EPHA7: variants seen among roughly 807,000 people sequenced by gnomAD.
EPHA7 encodes ephrin type-A receptor 7.
A neutral mutation model predicts 112.6 loss-of-function variants in EPHA7; 25 were observed. The observed-to-expected ratio is 0.22, with a 90% confidence interval of 0.16 to 0.31. The LOEUF (loss-of-function observed/expected upper bound fraction) is 0.31, where lower values mean the gene tolerates loss of function less well. Ranked by LOEUF, EPHA7 falls within the 10% of genes least tolerant of loss-of-function variation. EPHA7 has a pLI of 1.00. For synonymous variants in EPHA7, 437 were observed against 406.5 expected, an observed-to-expected ratio of 1.07 and a Z score of -0.90; for missense variants, 962 against 1,212.6, an observed-to-expected ratio of 0.79 and a Z score of 3.07.
intron 3 of EPHA7, among the ~76,000 whole-genome samples, chr6:93,369,136 A>G (rs1776654495): frequency 1.3e-5 from 2 of 151,630 alleles, no homozygotes; most frequent in Non-Finnish European, 2.9e-5. Flanking sequence ...TTTAAAAAAA[A>G]GAGCTGGCAA....
intron 5 of EPHA7, among the ~76,000 whole-genome samples, chr6:93,311,328 G>A (rs1251203267): frequency 6.6e-6 from 1 of 151,746 alleles, no homozygotes; most frequent in Admixed American, 6.6e-5. Context: ...CTCAAACCTT[G>A]CCACTGCTTT....
intron 3 of EPHA7, 139 bp from the exon 4 acceptor site, chr6:93,358,550 A>G (rs1193706772): frequency 1.4e-6 from 1 of 694,230 alleles, no homozygotes; most frequent in Admixed American, 3.5e-5. Flanking sequence ...TATTCATTTT[A>G]GGGTATTTCA....
At chr6:93,289,541 G>A (rs551097930) in intron 5 of EPHA7, among the ~76,000 whole-genome samples, 8 of 151,990 alleles carry the variant, frequency 5.3e-5, no homozygotes, top group Admixed American at 2.6e-4. Context: ...GGAGAATGGC[G>A]TGAACCTGGG....
chr6:93,264,746 A>G, intron 7 of EPHA7, 44 bp from the exon 8 acceptor site: 2 of 1,136,254 alleles, frequency 1.8e-6, no homozygotes, highest in Non-Finnish European at 1.3e-6. Context: ...GACACCATGC[A>G]AGAACTTGAA....
At position 93,341,241 on chromosome 6, in the gene EPHA7, T is replaced by C. The variant is rs59552882; in HGVS notation, c.1324+15476A>G. On this transcript the variant is annotated intron_variant, in intron 5 of 16. Coordinates refer to ENST00000369303, the MANE Select transcript of EPHA7 (RefSeq NM_004440.4). ...TTTTCAGAGAACCCCCAGGGTTTCTTGAAATATTCTCAGAGAAGCAAAATA... is the reference window on the plus strand; with the variant it reads ...TTTTCAGAGAACCCCCAGGGTTTCTCGAAATATTCTCAGAGAAGCAAAATA... Among the ~76,000 whole-genome samples, 1,265 of 152,068 alleles carry C rather than the reference T, an allele frequency of 8.3e-3. 16 individuals carry two copies. Among genetic ancestry groups the C allele is most frequent in the African/African-American group, 0.028 (1,159 of 41,518 alleles).
intron 5 of EPHA7, among the ~76,000 whole-genome samples, chr6:93,344,759 A>G (rs1409743167): frequency 2.0e-5 from 3 of 151,580 alleles, no homozygotes; most frequent in Admixed American, 6.6e-5. Flanking sequence ...ACTTAATGAG[A>G]AAATTTCCCT....
intron 5 of EPHA7, among the ~76,000 whole-genome samples, chr6:93,292,419 A>G (rs1772426487): frequency 6.6e-6 from 1 of 152,182 alleles, no homozygotes; most frequent in South Asian, 2.1e-4. Flanking sequence ...TTAGAAAAAC[A>G]ATATTATTTA....
rs190685411 is a variant in EPHA7 at position 93,249,735 on chromosome 6, C to T, written c.2533-2750G>A. ...AACAATGTAAGTCGAGTGATCTTTCCTTTTTTCTTTCCCTCCAAATAATGT... is the reference window on the plus strand; with the variant it reads ...AACAATGTAAGTCGAGTGATCTTTCTTTTTTTCTTTCCCTCCAAATAATGT... On this transcript the variant is annotated intron_variant, in intron 14 of 16. Transcript: ENST00000369303. Among the ~76,000 whole-genome samples, 400 of 152,140 alleles carry T rather than the reference C, an allele frequency of 2.6e-3. 1 individual carries two copies. The highest frequency in any genetic ancestry group is 9.0e-3 in the African/African-American group (373 of 41,542).
rs35196521 is a variant in EPHA7, at chr6:93,416,091, GAA to G, written c.98-1326_98-1325del. 5.4e-5 allele frequency among the ~76,000 whole-genome samples: 8 copies of G among 149,048 alleles called. No individual in the cohort carries two copies. The South Asian group carries it at 8.4e-4, about 16-fold the overall frequency. On this transcript the variant is annotated intron_variant, in intron 1 of 16. Transcript: ENST00000369303. ...TTAAGACTCTCAGGGAGACTGACAGGAAAAAAAAAAACTTGATCAGAAACATT... is the reference window on the plus strand; with the variant it reads ...TTAAGACTCTCAGGGAGACTGACAGGAAAAAAAAACTTGATCAGAAACATT...
chr6:93,404,924 G>A (rs1160784252), intron 3 of EPHA7, among the ~76,000 whole-genome samples: 2 of 151,690 alleles, frequency 1.3e-5, no homozygotes, highest in South Asian at 2.1e-4. Flanking sequence ...ACTTACTACT[G>A]CTATAGTACC....
intron 7 of EPHA7, among the ~76,000 whole-genome samples, chr6:93,266,610 G>T (rs1442949289): frequency 2.0e-5 from 3 of 151,664 alleles, no homozygotes; most frequent in Non-Finnish European, 4.4e-5. Flanking sequence ...CACAGAAGGG[G>T]ATTTTAGGAT....
intron 3 of EPHA7, among the ~76,000 whole-genome samples, chr6:93,361,560 A>G (rs925019431): frequency 1.3e-5 from 2 of 152,032 alleles, no homozygotes; most frequent in African/African-American, 4.8e-5. Context: ...TACATACAGG[A>G]AAGTTAGACG....
At chr6:93,359,473 T>C (rs1367334376) in intron 3 of EPHA7, among the ~76,000 whole-genome samples, 2 of 151,806 alleles carry the variant, frequency 1.3e-5, no homozygotes, top group South Asian at 2.1e-4. Context: ...GAAAATCATA[T>C]CTGTAAAGAA....
In EPHA7 at chr6:93,240,556, T is replaced by G. The variant is rs1316862942; in HGVS notation, c.*2870A>C. 4.5e-6 allele frequency: 1 copy of G among 220,292 alleles called. No individual in the cohort carries two copies. Among genetic ancestry groups the G allele is most frequent in the Non-Finnish European group, 9.1e-6 (1 of 110,060 alleles). 13.6% of individuals were successfully genotyped at this position (220,292 alleles called of 1,614,324 possible). A position where few individuals can be genotyped will look rare whatever the true frequency, so the allele number is the denominator to read the frequency against. ...GATCAATTGCTGAGAAAATGTTAGA[T>G]TCAAATGTAGAACAAGTTACTTTTA... On this transcript the variant is annotated 3_prime_UTR_variant, in exon 17 of 17. Coordinates refer to ENST00000369303, the MANE Select transcript of EPHA7 (RefSeq NM_004440.4).
At chr6:93,298,584 A>G (rs1042590353) in intron 5 of EPHA7, among the ~76,000 whole-genome samples, 1 of 152,200 alleles carries the variant, frequency 6.6e-6, no homozygotes, top group Non-Finnish European at 1.5e-5. Context: ...AGAGGCCTAA[A>G]GAGACACTGA....
chr6:93,306,091 C>T (rs1397148104), intron 5 of EPHA7, among the ~76,000 whole-genome samples: 1 of 151,958 alleles, frequency 6.6e-6, no homozygotes, highest in Non-Finnish European at 1.5e-5. Context: ...CTTACTTGAA[C>T]TAAATTAGTC....
At chr6:93,315,274 T>C (rs1267169512) in intron 5 of EPHA7, among the ~76,000 whole-genome samples, 1 of 152,200 alleles carries the variant, frequency 6.6e-6, no homozygotes, top group African/African-American at 2.4e-5. Flanking sequence ...AAATCTCTGA[T>C]TAAAATATGT....
At chr6:93,387,886 G>A (rs776110083) in intron 3 of EPHA7, among the ~76,000 whole-genome samples, 1 of 151,176 alleles carries the variant, frequency 6.6e-6, no homozygotes, top group Admixed American at 6.6e-5. Flanking sequence ...ATGAGATTTG[G>A]TGTAGGACAT....
At chr6:93,363,830 T>G (rs573629309) in intron 3 of EPHA7, among the ~76,000 whole-genome samples, 1 of 152,284 alleles carries the variant, frequency 6.6e-6, no homozygotes, top group African/African-American at 2.4e-5. Flanking sequence ...CATCAACTAC[T>G]GAATGAATTA....
Sources: gnomAD v4.1 joint callset for allele counts (sites outside exome capture counted in the v4.1 genomes callset) on GRCh38, gnomAD v4.1.1 for gene constraint, MANE v1.5 for transcripts, NCBI Gene and HGNC (gene_info 2026-07-23, HGNC 2026-07-21) for gene names.